Variants in NHSL2 observed in about 807,000 individuals in gnomAD.
NHSL2 encodes NHS-like protein 2.
In NHSL2, 27 loss-of-function variants were observed where a neutral mutation model predicts 53.4. That is an observed-to-expected ratio of 0.51 (90% CI 0.37 to 0.70). The LOEUF (loss-of-function observed/expected upper bound fraction) is 0.70, where lower values mean the gene tolerates loss of function less well. NHSL2 is among the 30% of genes least tolerant of loss of function. The pLI is 0.00. For missense variants in NHSL2, 892 were observed against 980.1 expected, an observed-to-expected ratio of 0.91 and a Z score of 1.20; for synonymous variants, 408 against 404.1, an observed-to-expected ratio of 1.01 and a Z score of -0.12.
intron 1 of NHSL2, among the ~76,000 whole-genome samples, chrX:72,067,052 A>G (rs1168911318): frequency 2.7e-5 from 3 of 111,368 alleles, no homozygotes; most frequent in Non-Finnish European, 5.7e-5. Flanking sequence ...CTGAGTTGGG[A>G]GGATCACTTG....
chrX:71,993,332 C>T (rs1381067047), intron 1 of NHSL2, among the ~76,000 whole-genome samples: 1 of 112,416 alleles, frequency 8.9e-6, no homozygotes, highest in Non-Finnish European at 1.9e-5. Context: ...CACAGTGAGG[C>T]TTCCTGCTAA....
chrX:72,020,501 G>C (rs1005159172), intron 1 of NHSL2, among the ~76,000 whole-genome samples: 5 of 112,611 alleles, frequency 4.4e-5, no homozygotes, highest in Non-Finnish European at 9.4e-5. Context: ...CCACTATATG[G>C]CCTCTTCTTC....
intron 1 of NHSL2, among the ~76,000 whole-genome samples, chrX:72,067,739 G>C (rs914840407): frequency 6.3e-5 from 7 of 111,919 alleles, no homozygotes; most frequent in Non-Finnish European, 1.3e-4. Flanking sequence ...CGATCCCCTT[G>C]GAAGCCTCAC....
At chrX:72,022,313 C>A (rs1439734290) in intron 1 of NHSL2, among the ~76,000 whole-genome samples, 1 of 112,622 alleles carries the variant, frequency 8.9e-6, no homozygotes, top group Non-Finnish European at 1.9e-5. Flanking sequence ...TTTCCAGAAT[C>A]TTTCTTCTCC....
chrX:71,911,393 C>G, intron 1 of NHSL2, 26 bp downstream of exon 1: 3 of 1,038,914 alleles, frequency 2.9e-6, no homozygotes, highest in African/African-American at 3.9e-5. Context: ...CGGTGGCTCG[C>G]GGCCCCGCGT....
intron 1 of NHSL2, among the ~76,000 whole-genome samples, chrX:71,921,364 G>A (rs1198388697): frequency 1.9e-5 from 2 of 106,071 alleles, no homozygotes; most frequent in African/African-American, 6.9e-5. Context: ...AGGTTGCAGC[G>A]AGCCGAGATT....
In NHSL2 at chrX:72,139,085, G is replaced by C. The variant is rs780600090; in HGVS notation, c.1537G>C (p.Asp513His). ...CTCAGGCACCACAGATGTGGACTAT[G>C]ATGAGGAGCAGAAGGCCAATGAGGC... ...TDSGTTDVDY[D>H]EEQKANEACA... The change falls in exon 6 of 8, where the codon GAT becomes CAT. Residue 513 changes from aspartate (D) to histidine (H), a missense_variant. Physicochemically the swap from Asp to His is moderately conservative, Grantham distance 81. Transcript: ENST00000633930. The C allele has an allele frequency of 2.6e-6, 3 of 1,170,012 alleles. No homozygotes were observed. The East Asian group carries it at 9.7e-5, about 38-fold the overall frequency.
intron 1 of NHSL2, among the ~76,000 whole-genome samples, chrX:71,982,424 C>T (rs192708902): frequency 1.9e-4 from 21 of 111,657 alleles, no homozygotes; most frequent in African/African-American, 4.9e-4. Flanking sequence ...CATACAACTC[C>T]GAAAATCCTT....
rs57590990 is a variant in NHSL2, at chrX:72,144,746, A to ACACACAC, written c.*1172_*1173insCACACAC. 5.1e-5 allele frequency: 9 copies of ACACACAC among 176,934 alleles called. No individual in the cohort carries two copies. Among genetic ancestry groups the ACACACAC allele is most frequent in the African/African-American group, 2.3e-4 (7 of 30,306 alleles). The allele number at this position is 176,934 out of a possible 1,213,427, so 14.6% of individuals were successfully genotyped here. A position where few individuals can be genotyped will look rare whatever the true frequency, so the allele number is the denominator to read the frequency against. On this transcript the variant is annotated 3_prime_UTR_variant, in exon 8 of 8. Transcript: ENST00000633930. ...CACACACACACACACACACACACAC[A>ACACACAC]AAAGGGCTACTTTTTGCCATTTAGG... is the stretch of plus-strand genomic sequence containing the variant.
intron 1 of NHSL2, among the ~76,000 whole-genome samples, chrX:71,960,942 C>G (rs1222452263): frequency 8.9e-6 from 1 of 112,061 alleles, no homozygotes; most frequent in Non-Finnish European, 1.9e-5. Flanking sequence ...ATGGGAATTG[C>G]ATTAAATTTG....
intron 1 of NHSL2, among the ~76,000 whole-genome samples, chrX:71,993,867 C>CA (rs764952225): frequency 0.01 from 957 of 95,009 alleles, 8 homozygotes; most frequent in African/African-American, 0.03. Context: ...AGGCCAAAAC[C>CA]AAAAAAAAAA....
rs566571460 is a variant in NHSL2, at chrX:71,987,527, A to G, written c.280+76160A>G. Among the ~76,000 whole-genome samples, 28 of 112,575 alleles carry G rather than the reference A, an allele frequency of 2.5e-4. No individual in the cohort carries two copies. In the South Asian group the frequency reaches 0.01, roughly 41 times the overall value. On this transcript the variant is annotated intron_variant, in intron 1 of 7. Coordinates refer to ENST00000633930, the MANE Select transcript of NHSL2 (RefSeq NM_001013627.3). ...CCTTAAAGCATTTAGCAAAGCTAGT[A>G]TGTGACCGAATTTAGACCAAATGTC...
intron 1 of NHSL2, among the ~76,000 whole-genome samples, chrX:72,086,348 G>C (rs1453392632): frequency 2.7e-5 from 3 of 111,823 alleles, no homozygotes. Context: ...GTAAGTAATG[G>C]GGGTCACAGG....
intron 1 of NHSL2, among the ~76,000 whole-genome samples, chrX:72,074,469 G>A (rs953883591): frequency 8.9e-6 from 1 of 112,137 alleles, no homozygotes; most frequent in African/African-American, 3.2e-5. Flanking sequence ...CTAGGCCACC[G>A]AACAAAATAT....
At chrX:72,008,852 ATTAT>A (rs1024494583) in intron 1 of NHSL2, among the ~76,000 whole-genome samples, 2 of 111,866 alleles carry the variant, frequency 1.8e-5, no homozygotes, top group Non-Finnish European at 3.8e-5. Flanking sequence ...TCTGGCCTGG[ATTAT>A]TTTAGTATCC....
At chrX:72,116,959 T>C (rs1314898882) in intron 1 of NHSL2, among the ~76,000 whole-genome samples, 1 of 111,704 alleles carries the variant, frequency 9.0e-6, no homozygotes, top group Admixed American at 9.5e-5. Context: ...AACTAGTCAG[T>C]AGGTTTTTAT....
chrX:71,979,847 C>G (rs1158570669), intron 1 of NHSL2, among the ~76,000 whole-genome samples: 3 of 110,586 alleles, frequency 2.7e-5, no homozygotes, highest in African/African-American at 9.9e-5. Context: ...ATGCCTATGT[C>G]CTGAATGGTA....
chrX:72,151,946 G>T lies in NHSL2; in HGVS notation c.*8372G>T, dbSNP rs1259959180. Reference sequence around the variant, plus strand: ...CCTAATGCAGTTTGGACCTGTTCTAGACAGAGCACTCAGCCTTAGCAAGAA... The same window carrying T: ...CCTAATGCAGTTTGGACCTGTTCTATACAGAGCACTCAGCCTTAGCAAGAA... On this transcript the variant is annotated 3_prime_UTR_variant, in exon 8 of 8. Transcript: ENST00000633930. 1 of 112,568 alleles carries T rather than the reference G, an allele frequency of 8.9e-6. No homozygotes were observed. Among genetic ancestry groups the T allele is most frequent in the Non-Finnish European group, 1.9e-5 (1 of 53,329 alleles). The allele number at this position is 112,568 out of a possible 1,213,427, so 9.3% of individuals were successfully genotyped here.
chrX:72,107,398 C>T (rs1159844296), intron 1 of NHSL2, among the ~76,000 whole-genome samples: 1 of 112,727 alleles, frequency 8.9e-6, no homozygotes, highest in Non-Finnish European at 1.9e-5. Flanking sequence ...AGGGGTTTGG[C>T]CCCCTTGTGG....
Sources: gnomAD v4.1 joint callset for allele counts (sites outside exome capture counted in the v4.1 genomes callset) on GRCh38, gnomAD v4.1.1 for gene constraint, MANE v1.5 for transcripts, NCBI Gene and HGNC (gene_info 2026-07-23, HGNC 2026-07-21) for gene names.